Variants in SCAPER observed in about 807,000 individuals in gnomAD.
SCAPER encodes S phase cyclin A-associated protein in the endoplasmic reticulum.
SCAPER carries 98 observed loss-of-function variants against 182.2 expected under a neutral mutation model. That is an observed-to-expected ratio of 0.54 (90% CI 0.46 to 0.64). The LOEUF (loss-of-function observed/expected upper bound fraction) is 0.64, where lower values mean the gene tolerates loss of function less well. SCAPER is among the 30% of genes least tolerant of loss of function. The probability of loss-of-function intolerance (pLI) is 0.00; values close to 1 mark genes in which losing one functional copy is unlikely to be tolerated. For missense variants in SCAPER, 1,432 were observed against 1,690.0 expected (o/e 0.85, Z 2.68); for synonymous variants, 605 against 564.6 (o/e 1.07, Z -1.01).
chr15:76,681,489 T>C (rs1456019792), intron 20 of SCAPER, among the ~76,000 whole-genome samples: 1 of 152,104 alleles, frequency 6.6e-6, no homozygotes, highest in Non-Finnish European at 1.5e-5. Flanking sequence ...AGGAGGAACA[T>C]CTATCACCCA....
chr15:76,436,983 A>G (rs1286114120), intron 25 of SCAPER, among the ~76,000 whole-genome samples: 1 of 152,208 alleles, frequency 6.6e-6, no homozygotes, highest in African/African-American at 2.4e-5. Context: ...TCAGAGGTTC[A>G]CTGGAGAAGG....
intron 26 of SCAPER, among the ~76,000 whole-genome samples, chr15:76,420,085 A>G (rs1219060812): frequency 6.6e-6 from 1 of 152,090 alleles, no homozygotes; most frequent in African/African-American, 2.4e-5. Flanking sequence ...AAAACTCAAC[A>G]TTCCTTCATT....
rs547444172 is a variant in SCAPER at position 76,493,180 on chromosome 15, C to G, written c.2954+11679G>C. ...GGATATAAATTATATGCATCCTAAA[C>G]TTGAGTTTGCATCAAGTCAATATAA... On this transcript the variant is annotated intron_variant, in intron 24 of 31. Transcript: ENST00000563290. 2.6e-5 allele frequency among the ~76,000 whole-genome samples: 4 copies of G among 152,240 alleles called. No individual in the cohort carries two copies. In the South Asian group the frequency reaches 8.3e-4, roughly 32 times the overall value.
At position 76,704,740 on chromosome 15, in the gene SCAPER, T is replaced by C. The variant is rs1382039159; in HGVS notation, c.2247+1163A>G. Among the ~76,000 whole-genome samples the C allele has an allele frequency of 5.3e-5, 8 of 152,154 alleles. No individual in the cohort carries two copies. In the South Asian group the frequency reaches 6.2e-4, roughly 12 times the overall value. On this transcript the variant is annotated intron_variant, in intron 18 of 31. Coordinates refer to ENST00000563290, the MANE Select transcript of SCAPER (RefSeq NM_020843.4). ...CCCATCAAAGAGTGGGCGAAGGATA[T>C]GAACAGACCCTTCTCAAAAGAAGAC... is the stretch of plus-strand genomic sequence containing the variant.
At chr15:76,608,545 G>T (rs1348622312) in intron 22 of SCAPER, among the ~76,000 whole-genome samples, 1 of 152,188 alleles carries the variant, frequency 6.6e-6, no homozygotes, top group Non-Finnish European at 1.5e-5. Context: ...CTTTAAAGCT[G>T]CCAGAGAGGG....
intron 27 of SCAPER, among the ~76,000 whole-genome samples, chr15:76,401,441 AAG>A (rs1339831976): frequency 6.6e-6 from 1 of 152,170 alleles, no homozygotes; most frequent in Non-Finnish European, 1.5e-5. Context: ...TGGATTATGC[AAG>A]AGCTTCTTTA....
At chr15:76,599,362 T>C (rs1379221079) in intron 22 of SCAPER, among the ~76,000 whole-genome samples, 1 of 122,418 alleles carries the variant, frequency 8.2e-6, no homozygotes, top group Middle Eastern at 4.5e-3. Flanking sequence ...CGTGGTTTCT[T>C]ATAAACCTAA....
At chr15:76,626,459 G>A (rs964801097) in intron 21 of SCAPER, among the ~76,000 whole-genome samples, 3 of 152,214 alleles carry the variant, frequency 2.0e-5, no homozygotes, top group Admixed American at 2.0e-4. Flanking sequence ...GCTCACGCCT[G>A]TAATCCTAGC....
intron 1 of SCAPER, among the ~76,000 whole-genome samples, chr15:76,898,071 T>C (rs1333515383): frequency 2.6e-5 from 4 of 152,284 alleles, no homozygotes; most frequent in Non-Finnish European, 4.4e-5. Context: ...TCAGGTTAAA[T>C]AGCACCACTA....
chr15:76,599,718 A>T (rs959950689), intron 22 of SCAPER, among the ~76,000 whole-genome samples: 4 of 122,274 alleles, frequency 3.3e-5, no homozygotes, highest in African/African-American at 1.0e-4. Flanking sequence ...GATTCTAATC[A>T]GTGATGAAAG....
chr15:76,806,075 T>C (rs1475088736), intron 5 of SCAPER, among the ~76,000 whole-genome samples: 1 of 152,224 alleles, frequency 6.6e-6, no homozygotes, highest in East Asian at 1.9e-4. Flanking sequence ...AAGTTTTTAA[T>C]TTTGATAAAG....
intron 22 of SCAPER, among the ~76,000 whole-genome samples, chr15:76,582,599 T>G (rs1015561996): frequency 5.9e-5 from 9 of 152,126 alleles, no homozygotes; most frequent in African/African-American, 2.2e-4. Context: ...GAAAAAGCAA[T>G]CTTAAAACTT....
At chr15:76,571,165 A>T in intron 23 of SCAPER, among the ~76,000 whole-genome samples, 1 of 152,170 alleles carries the variant, frequency 6.6e-6, no homozygotes, top group East Asian at 1.9e-4. Context: ...TTTTGGGGCA[A>T]TTAAGTTATA....
intron 29 of SCAPER, among the ~76,000 whole-genome samples, chr15:76,375,953 C>A (rs138093743): frequency 1.1e-4 from 16 of 152,150 alleles, no homozygotes; most frequent in Non-Finnish European, 1.9e-4. Flanking sequence ...CCACTGCATT[C>A]CAGCCTGGGT....
At chr15:76,420,698 G>A (rs550539532) in intron 26 of SCAPER, among the ~76,000 whole-genome samples, 14 of 152,090 alleles carry the variant, frequency 9.2e-5, no homozygotes, top group Non-Finnish European at 2.1e-4. Flanking sequence ...GTATACATGC[G>A]CCATGTTGGT....
chr15:76,853,219 AAGG>A (rs2070951728), intron 4 of SCAPER, among the ~76,000 whole-genome samples: 1 of 152,186 alleles, frequency 6.6e-6, no homozygotes, highest in Non-Finnish European at 1.5e-5. Context: ...CCAGGACCAG[AAGG>A]ATTCACAGCC....
In SCAPER at chr15:76,356,064, C is replaced by A. The variant is rs553044701; in HGVS notation, c.3856-1924G>T. ...CTGATGAGAACCCCCAACCCTACCA[C>A]CCCATGGCTTGGTTATGAGCCAGAA... is the stretch of plus-strand genomic sequence containing the variant. On this transcript the variant is annotated intron_variant, in intron 29 of 31. Coordinates refer to ENST00000563290, the MANE Select transcript of SCAPER (RefSeq NM_020843.4). Among the ~76,000 whole-genome samples the A allele has an allele frequency of 3.3e-5, 5 of 152,320 alleles. No homozygotes were observed. In the East Asian group the frequency reaches 9.6e-4, roughly 29 times the overall value.
chr15:76,801,037 T>C (rs1475740752), intron 6 of SCAPER, among the ~76,000 whole-genome samples: 1 of 152,236 alleles, frequency 6.6e-6, no homozygotes, highest in Non-Finnish European at 1.5e-5. Context: ...TTGCCAACTG[T>C]TGATATCTGT....
intron 14 of SCAPER, among the ~76,000 whole-genome samples, chr15:76,764,107 G>A (rs890720253): frequency 8.5e-5 from 13 of 152,176 alleles, no homozygotes; most frequent in Admixed American, 7.2e-4. Flanking sequence ...GCTTCAGAAA[G>A]GATAGTCAAT....
Sources: allele counts gnomAD v4.1 joint callset (sites outside exome capture counted in the v4.1 genomes callset), GRCh38; gene constraint gnomAD v4.1.1; transcripts MANE v1.5; gene names NCBI Gene and HGNC (gene_info 2026-07-23, HGNC 2026-07-21).